The following SSBP3 variants were observed in gnomAD, a reference collection of about 807,000 sequenced individuals.
SSBP3 encodes single stranded DNA binding protein 3.
In SSBP3, 5 loss-of-function variants were observed where a neutral mutation model predicts 69.6. That is an observed-to-expected ratio of 0.07 (90% CI 0.04 to 0.15). The LOEUF (loss-of-function observed/expected upper bound fraction) is 0.15. SSBP3 is among the 10% of genes least tolerant of loss of function. SSBP3 has a pLI of 1.00. For synonymous variants in SSBP3, 196 were observed against 193.4 expected, an observed-to-expected ratio of 1.01 and a Z score of -0.11; for missense variants, 312 against 534.0, an observed-to-expected ratio of 0.58 and a Z score of 4.10.
chr1:54,389,670 C>A (rs1031037608), intron 4 of SSBP3, among the ~76,000 whole-genome samples: 7 of 151,772 alleles, frequency 4.6e-5, no homozygotes, highest in Non-Finnish European at 1.0e-4. Flanking sequence ...CCAGCCTGGG[C>A]AACATGGCAA....
chr1:54,375,868 G>A (rs987729170), intron 4 of SSBP3, among the ~76,000 whole-genome samples: 1 of 152,228 alleles, frequency 6.6e-6, no homozygotes, highest in Non-Finnish European at 1.5e-5. Context: ...CAAAGGCAAG[G>A]CCAGCCCAGT....
intron 4 of SSBP3, among the ~76,000 whole-genome samples, chr1:54,395,320 G>C (rs921610121): frequency 1.3e-5 from 2 of 152,170 alleles, no homozygotes; most frequent in African/African-American, 2.4e-5. Flanking sequence ...GAGAAATGAA[G>C]GCCCCCCACA....
intron 4 of SSBP3, among the ~76,000 whole-genome samples, chr1:54,334,765 T>TTAC (rs2100479658): frequency 6.6e-6 from 1 of 152,368 alleles, no homozygotes; most frequent in African/African-American, 2.4e-5. Context: ...TGAGCCTGTA[T>TTAC]TACTCTCTTT....
intron 4 of SSBP3, among the ~76,000 whole-genome samples, chr1:54,396,203 A>AAAAAAAAAAAC (rs1648863263): frequency 6.8e-6 from 1 of 147,822 alleles, no homozygotes; most frequent in East Asian, 2.0e-4. Flanking sequence ...GAAAAAAAAA[A>AAAAAAAAAAAC]AAAAAAAAAA....
At chr1:54,243,436 T>C in intron 9 of SSBP3, 137 bp from the exon 10 acceptor site, 1 of 1,094,186 alleles carries the variant, frequency 9.1e-7, no homozygotes, top group Non-Finnish European at 1.4e-6. Flanking sequence ...ATACATTCTT[T>C]CAAAAACGGT....
At chr1:54,364,003 A>G (rs1212314600) in intron 4 of SSBP3, among the ~76,000 whole-genome samples, 5 of 152,204 alleles carry the variant, frequency 3.3e-5, no homozygotes, top group African/African-American at 4.8e-5. Flanking sequence ...TCCCTAATTC[A>G]AAGAAGAACT....
exon 9 of SSBP3, chr1:54,251,671 G>A (rs1486866330): frequency 6.4e-7 from 1 of 1,554,856 alleles, no homozygotes. Flanking sequence ...TCTCTGCATT[G>A]ATCCTCCCAT....
intron 7 of SSBP3, among the ~76,000 whole-genome samples, chr1:54,252,602 G>A (rs1186366102): frequency 6.6e-6 from 1 of 152,192 alleles, no homozygotes; most frequent in Non-Finnish European, 1.5e-5. Context: ...TCCAGAGCTG[G>A]GGCCATCGGC....
intron 13 of SSBP3, among the ~76,000 whole-genome samples, chr1:54,240,081 TGTGTGTGCGCGCGC>T (rs1347774986): frequency 1.4e-4 from 4 of 29,404 alleles, no homozygotes; most frequent in African/African-American, 5.0e-4. Flanking sequence ...TGTGTGTGTG[TGTGTGTGCGCGCGC>T]GCGCGTGTGC....
At chr1:54,280,237 C>T (rs1645365904) in intron 5 of SSBP3, among the ~76,000 whole-genome samples, 1 of 152,222 alleles carries the variant, frequency 6.6e-6, no homozygotes, top group South Asian at 2.1e-4. Context: ...CAAAATCTTG[C>T]CAACTAGAAT....
chr1:54,341,136 A>G (rs957817939), intron 4 of SSBP3, among the ~76,000 whole-genome samples: 1 of 152,184 alleles, frequency 6.6e-6, no homozygotes, highest in Non-Finnish European at 1.5e-5. Context: ...TCTTTCCGCA[A>G]TTAAACTGAG....
intron 4 of SSBP3, among the ~76,000 whole-genome samples, chr1:54,371,405 GA>G (rs1054539990): frequency 1.3e-5 from 2 of 152,214 alleles, no homozygotes; most frequent in Non-Finnish European, 2.9e-5. Context: ...ACTTGCTTCA[GA>G]AGGCTGGCTC....
At chr1:54,310,507 A>C (rs1163603250) in intron 4 of SSBP3, among the ~76,000 whole-genome samples, 1 of 152,186 alleles carries the variant, frequency 6.6e-6, no homozygotes, top group African/African-American at 2.4e-5. Flanking sequence ...ATTGAGCTAC[A>C]AAGAGAAGAA....
rs60875737 is a variant in SSBP3 at position 54,283,272 on chromosome 1, T to TA, written c.277-1746dup. 5.6e-3 allele frequency among the ~76,000 whole-genome samples: 712 copies of TA among 126,550 alleles called. 1 individual carries two copies. Among genetic ancestry groups the TA allele is most frequent in the African/African-American group, 0.015 (533 of 35,194 alleles). The allele number at this position is 126,550 out of a possible 152,430, so 83.0% of individuals were successfully genotyped here. On this transcript the variant is annotated intron_variant, in intron 4 of 17. Transcript: ENST00000610401. ...GACAAAAGCAAAACTCCCCATCTCA[T>TA]AAAAAAAAAAAAAAAAAAAGGAACC... is the stretch of plus-strand genomic sequence containing the variant.
intron 9 of SSBP3, among the ~76,000 whole-genome samples, chr1:54,244,740 T>G (rs1644703976): frequency 6.6e-6 from 1 of 152,204 alleles, no homozygotes; most frequent in Admixed American, 6.5e-5. Context: ...CAGTCATACA[T>G]GCCTTGCTTC....
At chr1:54,362,673 TAGC>T (rs1438473942) in intron 4 of SSBP3, among the ~76,000 whole-genome samples, 1 of 152,170 alleles carries the variant, frequency 6.6e-6, no homozygotes, top group African/African-American at 2.4e-5. Context: ...CATCTGAAAA[TAGC>T]AGGCCCCCAA....
intron 4 of SSBP3, among the ~76,000 whole-genome samples, chr1:54,329,167 C>T (rs919155866): frequency 3.9e-5 from 6 of 152,090 alleles, no homozygotes; most frequent in Non-Finnish European, 7.3e-5. Flanking sequence ...CACCCAAACT[C>T]AGCTCATAGA....
chr1:54,261,920 C>T (rs1645023100), intron 5 of SSBP3, among the ~76,000 whole-genome samples: 1 of 152,106 alleles, frequency 6.6e-6, no homozygotes, highest in Non-Finnish European at 1.5e-5. Flanking sequence ...CTTCCTCCAA[C>T]ATTTGCAGGG....
chr1:54,281,466 C>G (rs1375481853), exon 5 of SSBP3: 3 of 1,566,636 alleles, frequency 1.9e-6, no homozygotes, highest in East Asian at 2.4e-5. Flanking sequence ...GATGGGGCCT[C>G]CCGGCATCCC....
Sources: gnomAD v4.1 joint callset for allele counts (sites outside exome capture counted in the v4.1 genomes callset) on GRCh38, gnomAD v4.1.1 for gene constraint, MANE v1.5 for transcripts, NCBI Gene and HGNC (gene_info 2026-07-23, HGNC 2026-07-21) for gene names.